The following DMD variants were observed in gnomAD, a reference collection of about 807,000 sequenced individuals.
DMD encodes the protein mutant dystrophin.
A neutral mutation model predicts 330.1 loss-of-function variants in DMD; 63 were observed. The ratio of observed to expected loss-of-function variants is 0.19; its 90% confidence interval spans 0.16 to 0.24. The LOEUF is 0.24. Among genes scored for constraint, DMD ranks in the 10% least tolerant of loss-of-function variants. The probability of loss-of-function intolerance (pLI) is 1.00; values close to 1 mark genes in which losing one functional copy is unlikely to be tolerated. For missense variants in DMD, 3,344 were observed against 2,684.1 expected (o/e 1.25, Z -5.43); for synonymous variants, 1,223 against 959.8 (o/e 1.27, Z -5.07).
chrX:32,742,889 C>T (rs868081119), intron 7 of DMD, among the ~76,000 whole-genome samples: 1 of 111,724 alleles, frequency 9.0e-6, no homozygotes, highest in African/African-American at 3.3e-5. Context: ...CTATTATGAT[C>T]CCCATTTTAC....
chrX:32,039,819 C>T (rs1419213107), intron 44 of DMD, among the ~76,000 whole-genome samples: 1 of 111,393 alleles, frequency 9.0e-6, no homozygotes, highest in Non-Finnish European at 1.9e-5. Flanking sequence ...CCTCCCAAGC[C>T]TCTGTTAACC....
intron 60 of DMD, among the ~76,000 whole-genome samples, chrX:31,364,731 T>C (rs1382372833): frequency 2.7e-5 from 3 of 111,522 alleles, no homozygotes; most frequent in Non-Finnish European, 5.6e-5. Flanking sequence ...CCCATTATTA[T>C]AGAATGATTT....
intron 55 of DMD, among the ~76,000 whole-genome samples, chrX:31,521,265 C>T (rs1412967982): frequency 2.8e-5 from 3 of 108,312 alleles, no homozygotes; most frequent in African/African-American, 6.8e-5. Context: ...TGGGTTCAAG[C>T]GATTCTCCTG....
intron 2 of DMD, among the ~76,000 whole-genome samples, chrX:32,894,191 C>G (rs984765323): frequency 4.5e-5 from 5 of 112,196 alleles, no homozygotes; most frequent in African/African-American, 1.6e-4. Flanking sequence ...ACCAATACAT[C>G]TGCCCAAATA....
intron 9 of DMD, among the ~76,000 whole-genome samples, chrX:32,673,999 G>T (rs945885853): frequency 9.0e-6 from 1 of 111,233 alleles, no homozygotes; most frequent in Non-Finnish European, 1.9e-5. Context: ...GCAAGCACCA[G>T]GACTTTTAAA....
At chrX:32,253,859 TA>T (rs2097287807) in intron 43 of DMD, among the ~76,000 whole-genome samples, 1 of 110,480 alleles carries the variant, frequency 9.1e-6, no homozygotes, top group Non-Finnish European at 1.9e-5. Flanking sequence ...CCTGACCTCA[TA>T]ATCTGCCCGT....
intron 37 of DMD, among the ~76,000 whole-genome samples, chrX:32,358,474 T>A (rs899652700): frequency 9.0e-6 from 1 of 111,700 alleles, no homozygotes; most frequent in Non-Finnish European, 1.9e-5. Flanking sequence ...GTTGCAATTC[T>A]GATCCTCTCC....
At chrX:32,252,561 T>G (rs916380501) in intron 43 of DMD, among the ~76,000 whole-genome samples, 2 of 89,493 alleles carry the variant, frequency 2.2e-5, no homozygotes, top group Admixed American at 3.1e-4. Flanking sequence ...TTATGATGCC[T>G]TTGCTCACTG....
intron 45 of DMD, among the ~76,000 whole-genome samples, chrX:31,959,775 T>TG (rs1307088479): frequency 6.8e-5 from 4 of 59,019 alleles, no homozygotes; most frequent in Non-Finnish European, 3.7e-5. Context: ...CGTGGTTTTT[T>TG]TTTTTTTTTT....
In DMD at chrX:31,119,816, A is replaced by T. The variant is rs916737131; in HGVS notation, c.*2103T>A. 44 of 111,785 alleles carry T rather than the reference A, an allele frequency of 3.9e-4. No homozygotes were observed. The highest frequency in any genetic ancestry group is 5.3e-4 in the Non-Finnish European group (28 of 53,062). The allele number at this position is 111,785 out of a possible 1,213,427, so 9.2% of individuals were successfully genotyped here. On this transcript the variant is annotated 3_prime_UTR_variant, in exon 79 of 79. Coordinates refer to ENST00000357033, the MANE Select transcript of DMD (RefSeq NM_004006.3). ...AATGCAAGACAAAAACCAAATCTTC[A>T]TGTAATTTGGTAATTTGTTACCTTA... is the stretch of plus-strand genomic sequence containing the variant.
chrX:32,359,790 A>C (rs761355779), intron 37 of DMD, among the ~76,000 whole-genome samples: 39 of 111,266 alleles, frequency 3.5e-4, no homozygotes, highest in Non-Finnish European at 6.8e-4. Context: ...AATCATAGGA[A>C]GGAGAAAGAT....
chrX:32,438,088 G>A (rs1026750690), intron 29 of DMD, among the ~76,000 whole-genome samples, 153 bp downstream of exon 29: 7 of 112,297 alleles, frequency 6.2e-5, no homozygotes, highest in Admixed American at 3.8e-4. Flanking sequence ...TAATACACAT[G>A]TAAAGAATTT....
intron 73 of DMD, 112 bp from the exon 74 acceptor site, chrX:31,169,713 A>G: frequency 2.7e-6 from 2 of 730,259 alleles, no homozygotes; most frequent in Non-Finnish European, 4.1e-6. Context: ...CTTAACAATT[A>G]ATTAGACCTT....
chrX:33,301,742 A>G (rs903166673), intron 1 of DMD, among the ~76,000 whole-genome samples: 88 of 111,377 alleles, frequency 7.9e-4, no homozygotes, highest in African/African-American at 2.7e-3. Context: ...ATAAGAGCCT[A>G]GTTAGTTCTC....
chrX:32,259,255 C>G (rs746939487), intron 43 of DMD, among the ~76,000 whole-genome samples: 30 of 110,251 alleles, frequency 2.7e-4, no homozygotes, highest in Non-Finnish European at 5.1e-4. Flanking sequence ...ATCTGTCTAG[C>G]CATATCATAT....
At chrX:32,840,125 A>G (rs2080030916) in intron 4 of DMD, among the ~76,000 whole-genome samples, 1 of 112,108 alleles carries the variant, frequency 8.9e-6, no homozygotes, top group Admixed American at 9.5e-5. Flanking sequence ...CCTCTAACGC[A>G]TAGGCCAGCA....
chrX:31,855,842 T>C (rs781410732), intron 48 of DMD, among the ~76,000 whole-genome samples: 1 of 112,170 alleles, frequency 8.9e-6, no homozygotes, highest in South Asian at 3.7e-4. Context: ...GGACACATTA[T>C]GTAATAAAGC....
rs767446687 is a variant in DMD, at chrX:32,454,767, T to C, written c.3498A>G (p.Leu1166=). The C allele has an allele frequency of 1.6e-5, 19 of 1,204,484 alleles. No individual in the cohort carries two copies. Among genetic ancestry groups the C allele is most frequent in the Non-Finnish European group, 2.0e-5 (18 of 892,036 alleles). ...GTGTCATCCATTCGTGCATCTCTGA[T>C]AGATCTTTCTGGAGGCTTACAGTTT... ...LEKTVSLQKD[L]SEMHEWMTQA... is the part of the protein sequence containing the mutation. The change falls in exon 26 of 79, where the codon CTA becomes CTG. Residue 1166 remains leucine, a synonymous_variant. Transcript: ENST00000357033.
chrX:31,442,324 C>T (rs948306523), intron 60 of DMD, among the ~76,000 whole-genome samples: 1 of 111,236 alleles, frequency 9.0e-6, no homozygotes, highest in South Asian at 3.8e-4. Context: ...CACAATAACA[C>T]GGTCAAATAA....
Sources: gnomAD v4.1 joint callset for allele counts (sites outside exome capture counted in the v4.1 genomes callset) on GRCh38, gnomAD v4.1.1 for gene constraint, MANE v1.5 for transcripts, NCBI Gene and HGNC (gene_info 2026-07-23, HGNC 2026-07-21) for gene names.